OR5T1: variants seen among roughly 807,000 people sequenced by gnomAD.
OR5T1 encodes olfactory receptor 5T1.
A neutral mutation model predicts 10.1 loss-of-function variants in OR5T1; 14 were observed. The ratio of observed to expected loss-of-function variants is 1.39; its 90% confidence interval spans 0.92 to 2.18. The LOEUF (loss-of-function observed/expected upper bound fraction) is 2.18. OR5T1 is among the 30% of genes most tolerant of loss of function. The pLI is 0.00. For synonymous variants in OR5T1, 166 were observed against 141.2 expected (o/e 1.18, Z -1.24); for missense variants, 461 against 383.9 (o/e 1.20, Z -1.68).
At chr11:56,275,023 T>A (rs934994259) in intron 2 of OR5T1, among the ~76,000 whole-genome samples, 7 of 152,174 alleles carry the variant, frequency 4.6e-5, no homozygotes, top group African/African-American at 1.2e-4. Flanking sequence ...AACCTAGGAA[T>A]AGCACTCAGT....
chr11:56,275,772 CA>C lies in OR5T1; in HGVS notation c.136del (p.Ile46SerfsTer6). ...GTCTTCCTATTTTTATTATTTTTAG[CA>C]ATCTATCTATTCACTCTAATAGGCA... is the stretch of plus-strand genomic sequence containing the variant. ...VQVFLFLLFLAIYLFTLIGNL... is the reference protein window; with the variant it reads ...VQVFLFLLFLXIYLFTLIGNL... On this transcript the variant is annotated frameshift_variant, in exon 3 of 3. Transcript: ENST00000641665. LOFTEE classifies it high-confidence loss of function. 1 of 1,612,500 alleles carries C rather than the reference CA, an allele frequency of 6.2e-7. No individual in the cohort carries two copies. Among genetic ancestry groups the C allele is most frequent in the Non-Finnish European group, 8.5e-7 (1 of 1,178,670 alleles).
Position 56,275,848 on chromosome 11 carries a change from A to C in OR5T1, c.210A>C (p.Pro70=). ...PIIGDFWLHS[P]MYYFLGVLSF... is the part of the protein sequence containing the mutation. ...TTGGGGATTTCTGGCTTCACAGCCC[A>C]ATGTACTATTTTCTTGGTGTTTTAT... The change falls in exon 3 of 3, where the codon CCA becomes CCC. Residue 70 remains proline (P), a synonymous_variant. Transcript: ENST00000641665. The C allele has an allele frequency of 1.2e-6, 2 of 1,614,102 alleles. No individual in the cohort carries two copies. Among genetic ancestry groups the C allele is most frequent in the South Asian group, 2.2e-5 (2 of 91,082 alleles).
In OR5T1 at chr11:56,276,628, T is replaced by C. The variant is rs1178395995; in HGVS notation, c.*9T>C. 3.2e-6 allele frequency: 5 copies of C among 1,579,388 alleles called. No individual in the cohort carries two copies. The Admixed American group carries it at 6.9e-5, about 22-fold the overall frequency. On this transcript the variant is annotated 3_prime_UTR_variant, in exon 3 of 3. Transcript: ENST00000641665. Reference sequence around the variant, plus strand: ...TCATAAATAAGTTATAGTTTTAAAATTGAGTAAAGTTGCAAATAATATTGG... The same window carrying C: ...TCATAAATAAGTTATAGTTTTAAAACTGAGTAAAGTTGCAAATAATATTGG...
chr11:56,275,535 C>A lies in OR5T1; in HGVS notation c.-104C>A. The A allele has an allele frequency of 1.1e-6, 1 of 890,364 alleles. No individual in the cohort carries two copies. The highest frequency in any genetic ancestry group is 1.7e-6 in the Non-Finnish European group (1 of 582,924). The allele number at this position is 890,364 out of a possible 1,614,324, so 55.2% of individuals were successfully genotyped here. ...TTATCACCACCTGTGCATTTGCTGA[C>A]AAGGATTTCATCTTGCTTTTCCAAG... is the stretch of plus-strand genomic sequence containing the variant. On this transcript the variant is annotated 5_prime_UTR_variant, in exon 3 of 3. Coordinates refer to ENST00000641665, the MANE Select transcript of OR5T1 (RefSeq NM_001004745.2).
At position 56,276,752 on chromosome 11, in the gene OR5T1, T is replaced by A. The variant is rs965200810; in HGVS notation, c.*133T>A. On this transcript the variant is annotated 3_prime_UTR_variant, in exon 3 of 3. Coordinates refer to ENST00000641665, the MANE Select transcript of OR5T1 (RefSeq NM_001004745.2). ...TTCTAGAATATTTTCAAATAAAGCA[T>A]CAATCAGCCTACTAATTCACCATTT... The A allele has an allele frequency of 1.5e-6, 1 of 645,456 alleles. No individual in the cohort carries two copies. The highest frequency in any genetic ancestry group is 1.8e-5 in the African/African-American group (1 of 54,640). The allele number at this position is 645,456 out of a possible 1,614,324, so 40.0% of individuals were successfully genotyped here.
Position 56,276,443 on chromosome 11 carries a change from T to G in OR5T1, c.805T>G (p.Phe269Val). ...GACAATTTATCATGGGACAATCCTC[T>G]TCATGTATGTGAGACCAAGTTCCAG... ...GVTIYHGTIL[F>V]MYVRPSSSYT... Residue 269 changes from phenylalanine (F) to valine (V), a missense_variant, in exon 3 of 3, where the codon TTC (phenylalanine) becomes GTC (valine). Coordinates refer to ENST00000641665, the MANE Select transcript of OR5T1 (RefSeq NM_001004745.2). The G allele has an allele frequency of 6.2e-7, 1 of 1,614,026 alleles. No individual in the cohort carries two copies. The highest frequency in any genetic ancestry group is 1.1e-5 in the South Asian group (1 of 91,082).
chr11:56,275,724 T>G lies in OR5T1; in HGVS notation c.86T>G (p.Phe29Cys). The G allele has an allele frequency of 6.2e-7, 1 of 1,610,268 alleles. No individual in the cohort carries two copies. Among genetic ancestry groups the G allele is most frequent in the Non-Finnish European group, 8.5e-7 (1 of 1,176,712 alleles). Residue 29 changes from phenylalanine (F) to cysteine (C), a missense_variant, in exon 3 of 3, where the codon TTC becomes TGC. Transcript: ENST00000641665. ...GTCACCATGTTTATATTAATAAGCTTCACAGAAGAATTTGATGTGCAAGTC... is the reference window on the plus strand; with the variant it reads ...GTCACCATGTTTATATTAATAAGCTGCACAGAAGAATTTGATGTGCAAGTC... The part of the protein sequence containing the change: ...TEVTMFILIS[F>C]TEEFDVQVFL...
At position 56,275,882 on chromosome 11, in the gene OR5T1, G is replaced by A. The variant is rs141496727; in HGVS notation, c.244G>A (p.Asp82Asn). 1.1e-4 allele frequency: 178 copies of A among 1,613,956 alleles called. 1 individual carries two copies. Among genetic ancestry groups the A allele is most frequent in the Non-Finnish European group, 1.5e-4 (172 of 1,180,000 alleles). ...YYFLGVLSFLDVCYSTVVTPK... is the reference protein window; with the variant it reads ...YYFLGVLSFLNVCYSTVVTPK... ...TTTTCTTGGTGTTTTATCATTCTTG[G>A]ATGTCTGCTATTCTACAGTTGTCAC... Residue 82 changes from aspartate (D) to asparagine (N), a missense_variant, in exon 3 of 3, where the codon GAT becomes AAT. Transcript: ENST00000641665.
At chr11:56,275,368 G>A in intron 2 of OR5T1, 118 bp from the exon 3 acceptor site, 1 of 292,790 alleles carries the variant, frequency 3.4e-6, no homozygotes, top group Non-Finnish European at 6.2e-6. Context: ...TGCGGTGTTT[G>A]GTTTTCGGTT....
In OR5T1 at chr11:56,276,334, T is replaced by C; in HGVS notation, c.696T>C (p.Phe232=). Residue 232 remains phenylalanine (F), a synonymous_variant, in exon 3 of 3, where the codon TTT becomes TTC. Transcript: ENST00000641665. ...TILIVLISYG[F]ILLAILKMQS... ...TGATTGTCCTGATCTCCTATGGTTT[T>C]ATTCTGTTGGCCATTCTGAAGATGC... 6 of 1,614,176 alleles carry C rather than the reference T, an allele frequency of 3.7e-6. No homozygotes were observed. The highest frequency in any genetic ancestry group is 2.2e-5 in the East Asian group (1 of 44,860).
intron 2 of OR5T1, 61 bp downstream of exon 2, chr11:56,274,814 T>G (rs894015893): frequency 6.6e-6 from 1 of 152,074 alleles, no homozygotes; most frequent in African/African-American, 2.4e-5. Context: ...TGAAATGGTT[T>G]GGTCAGAAAG....
chr11:56,275,642 TC>T lies in OR5T1; in HGVS notation c.5del (p.Ser2Ter). On this transcript the variant is annotated frameshift_variant, in exon 3 of 3. Transcript: ENST00000641665. LOFTEE classifies it high-confidence loss of function. ...GTACATATAAACAATAGCTAAAATG[TC>T]AGGGTTGCCTTCAGATATGGATCTA... MSGLPSDMDLYK... is the reference protein window; with the variant it reads MXGLPSDMDLYK... 1.3e-6 allele frequency: 2 copies of T among 1,561,418 alleles called. No individual in the cohort carries two copies. Among genetic ancestry groups the T allele is most frequent in the Non-Finnish European group, 1.7e-6 (2 of 1,159,176 alleles).
In OR5T1 at chr11:56,276,659, A is replaced by C; in HGVS notation, c.*40A>C. The C allele has an allele frequency of 7.0e-7, 1 of 1,430,372 alleles. No individual in the cohort carries two copies. The highest frequency in any genetic ancestry group is 2.3e-5 in the East Asian group (1 of 43,860). 88.6% of individuals were successfully genotyped at this position (1,430,372 alleles called of 1,614,324 possible). ...AAAGTTGCAAATAATATTGGGTGTC[A>C]GTCCACATCTCTATGGTCAGAAAGT... On this transcript the variant is annotated 3_prime_UTR_variant, in exon 3 of 3. Transcript: ENST00000641665.
Position 56,275,611 on chromosome 11 carries a change from C to A in OR5T1, c.-28C>A. 1 of 1,506,284 alleles carries A rather than the reference C, an allele frequency of 6.6e-7. No individual in the cohort carries two copies. Among genetic ancestry groups the A allele is most frequent in the Non-Finnish European group, 8.9e-7 (1 of 1,125,302 alleles). 93.3% of individuals were successfully genotyped at this position (1,506,284 alleles called of 1,614,324 possible). A position where few individuals can be genotyped will look rare whatever the true frequency, so the allele number is the denominator to read the frequency against. The stretch of plus-strand genomic sequence containing the variant: ...TAAACTTAATTTTCACAGGCTGTTG[C>A]ATTTAGTACATATAAACAATAGCTA... On this transcript the variant is annotated 5_prime_UTR_variant, in exon 3 of 3. Coordinates refer to ENST00000641665, the MANE Select transcript of OR5T1 (RefSeq NM_001004745.2).
In OR5T1 at chr11:56,275,490, G is replaced by A. The variant is rs1317443582; in HGVS notation, c.-149G>A. On this transcript the variant is annotated 5_prime_UTR_variant, in exon 3 of 3. The change abolishes an upstream ATG in the 5' untranslated region. Transcript: ENST00000641665. Reference sequence around the variant, plus strand: ...ATTTAATTTATTTAATTACAGTAATGTATCCACTTGGACCCAATTTTATCA... The same window carrying A: ...ATTTAATTTATTTAATTACAGTAATATATCCACTTGGACCCAATTTTATCA... 5.3e-6 allele frequency: 3 copies of A among 570,270 alleles called. No individual in the cohort carries two copies. The highest frequency in any genetic ancestry group is 9.4e-6 in the Non-Finnish European group (3 of 319,252). The allele number at this position is 570,270 out of a possible 1,614,324, so 35.3% of individuals were successfully genotyped here.
chr11:56,275,330 G>A lies in OR5T1; in HGVS notation c.-153-156G>A, dbSNP rs1853923428. Among the ~76,000 whole-genome samples the A allele has an allele frequency of 2.6e-5, 4 of 152,188 alleles. No homozygotes were observed. The South Asian group carries it at 6.2e-4, about 24-fold the overall frequency. On this transcript the variant is annotated intron_variant, in intron 2 of 2. Transcript: ENST00000641665. ...CTTCCTATGTCCATGTGTTCTCATT[G>A]TTCAACTCCCACTTACGTGTGAGAA... is the stretch of plus-strand genomic sequence containing the variant.
In OR5T1 at chr11:56,276,187, C is replaced by T. The variant is rs1441338743; in HGVS notation, c.549C>T (p.Ser183=). Residue 183 remains serine, a synonymous_variant, in exon 3 of 3, where the codon TCC becomes TCT. Transcript: ENST00000641665. The stretch of plus-strand genomic sequence containing the variant: ...CATTTAGCCTGTCCTTCTGTGGATC[C>T]AATGAAATTAGGCATGTCTTTTGTA... ...VATFSLSFCG[S]NEIRHVFCNM... 6.2e-7 allele frequency: 1 copy of T among 1,613,970 alleles called. No individual in the cohort carries two copies. Among genetic ancestry groups the T allele is most frequent in the Non-Finnish European group, 8.5e-7 (1 of 1,180,030 alleles).
chr11:56,275,857 T>G lies in OR5T1; in HGVS notation c.219T>G (p.Tyr73Ter). 6.2e-7 allele frequency: 1 copy of G among 1,614,174 alleles called. No homozygotes were observed. The highest frequency in any genetic ancestry group is 8.5e-7 in the Non-Finnish European group (1 of 1,180,010). ...TCTGGCTTCACAGCCCAATGTACTA[T>G]TTTCTTGGTGTTTTATCATTCTTGG... Reference protein sequence around the residue: ...GDFWLHSPMYYFLGVLSFLDV... With the variant: ...GDFWLHSPMY Residue 73 changes from tyrosine (Y) to a stop codon, truncating the protein, a stop_gained, in exon 3 of 3, where the codon TAT becomes TAG. Coordinates refer to ENST00000641665, the MANE Select transcript of OR5T1 (RefSeq NM_001004745.2). LOFTEE classifies it high-confidence loss of function.
rs1462057672 is a variant in OR5T1 at position 56,276,019 on chromosome 11, G to A, written c.381G>A (p.Leu127=). 2 of 1,614,108 alleles carry A rather than the reference G, an allele frequency of 1.2e-6. No individual in the cohort carries two copies. The highest frequency in any genetic ancestry group is 4.5e-5 in the East Asian group (2 of 44,874). The change falls in exon 3 of 3, where the codon TTG becomes TTA. Residue 127 remains leucine (L), a synonymous_variant. Coordinates refer to ENST00000641665, the MANE Select transcript of OR5T1 (RefSeq NM_001004745.2). ...TTGGAACCACAGAATGCTTTCTCTT[G>A]GCTGCAATGGCTTATGATCGCTATG... ...CTFGTTECFL[L]AAMAYDRYVA... is the part of the protein sequence containing the mutation.
Sources: gnomAD v4.1 joint callset for allele counts (sites outside exome capture counted in the v4.1 genomes callset) on GRCh38, gnomAD v4.1.1 for gene constraint, MANE v1.5 for transcripts, NCBI Gene and HGNC (gene_info 2026-07-23, HGNC 2026-07-21) for gene names.